The following SPATA17 variants were observed in gnomAD, a reference collection of about 807,000 sequenced individuals.
The protein encoded by SPATA17 is spermatogenesis-associated protein 17.
In SPATA17, 53 loss-of-function variants were observed where a neutral mutation model predicts 62.2. The ratio of observed to expected loss-of-function variants is 0.85; its 90% CI spans 0.68 to 1.07. SPATA17 has a LOEUF of 1.07. Among genes scored for constraint, SPATA17 ranks in the 50% least tolerant of loss-of-function variants. The pLI, the probability that SPATA17 is intolerant of heterozygous loss-of-function variation, is 0.00. For synonymous variants in SPATA17, 146 were observed against 146.8 expected, an observed-to-expected ratio of 0.99 and a Z score of 0.04; for missense variants, 466 against 425.5, an observed-to-expected ratio of 1.10 and a Z score of -0.84.
At chr1:217,776,676 TAAAA>T (rs59177848) in intron 7 of SPATA17, among the ~76,000 whole-genome samples, 1 of 119,146 alleles carries the variant, frequency 8.4e-6, no homozygotes. Flanking sequence ...CTGTCTCTAT[TAAAA>T]AAAAAAAAAA....
intron 6 of SPATA17, among the ~76,000 whole-genome samples, chr1:217,755,313 G>A (rs1558037172): frequency 1.3e-5 from 2 of 151,962 alleles, no homozygotes; most frequent in Non-Finnish European, 2.9e-5. Context: ...ACTCAGCAAT[G>A]AATTATGTTA....
At chr1:217,702,456 T>C (rs1190328792) in intron 5 of SPATA17, among the ~76,000 whole-genome samples, 1 of 152,206 alleles carries the variant, frequency 6.6e-6, no homozygotes, top group Non-Finnish European at 1.5e-5. Context: ...AATTTTAACA[T>C]ACTGTATATT....
At chr1:217,726,895 T>C (rs1439727299) in intron 5 of SPATA17, among the ~76,000 whole-genome samples, 4 of 152,176 alleles carry the variant, frequency 2.6e-5, no homozygotes, top group African/African-American at 4.8e-5. Context: ...GGTCTTACTC[T>C]TTCTTCAAGT....
At chr1:217,839,101 C>G (rs1675330629) in intron 9 of SPATA17, among the ~76,000 whole-genome samples, 1 of 151,932 alleles carries the variant, frequency 6.6e-6, no homozygotes, top group Admixed American at 6.6e-5. Context: ...TAATGTGAAG[C>G]CCACTACTCA....
intron 8 of SPATA17, among the ~76,000 whole-genome samples, chr1:217,788,851 T>C (rs1456201621): frequency 6.6e-6 from 1 of 152,208 alleles, no homozygotes; most frequent in Non-Finnish European, 1.5e-5. Flanking sequence ...GGTGATTTGT[T>C]ATAACAGCAA....
chr1:217,863,631 A>T (rs928035047), intron 10 of SPATA17, among the ~76,000 whole-genome samples: 1 of 152,148 alleles, frequency 6.6e-6, no homozygotes, highest in African/African-American at 2.4e-5. Context: ...CTGATTATCA[A>T]TGTTTAGAAG....
chr1:217,829,744 G>A (rs1675088882), intron 9 of SPATA17, among the ~76,000 whole-genome samples: 1 of 151,314 alleles, frequency 6.6e-6, no homozygotes, highest in South Asian at 2.1e-4. Context: ...ATTAACATGG[G>A]CATGGGGAGG....
intron 5 of SPATA17, among the ~76,000 whole-genome samples, chr1:217,712,214 C>T (rs1359562620): frequency 6.7e-6 from 1 of 149,692 alleles, no homozygotes; most frequent in Non-Finnish European, 1.5e-5. Context: ...GCAACCTCTG[C>T]CTCCTGGATT....
intron 5 of SPATA17, among the ~76,000 whole-genome samples, chr1:217,718,841 CCAAACAAA>C (rs370605124): frequency 6.6e-6 from 1 of 152,026 alleles, no homozygotes; most frequent in Non-Finnish European, 1.5e-5. Context: ...GTACTGGCTG[CCAAACAAA>C]CAAACAAACA....
At chr1:217,843,745 G>A (rs930205279) in intron 9 of SPATA17, among the ~76,000 whole-genome samples, 4 of 152,138 alleles carry the variant, frequency 2.6e-5, no homozygotes, top group African/African-American at 7.2e-5. Context: ...GCATGACTAC[G>A]TTCCAATAAA....
At chr1:217,727,408 A>G (rs1463697656) in intron 5 of SPATA17, among the ~76,000 whole-genome samples, 2 of 151,854 alleles carry the variant, frequency 1.3e-5, no homozygotes, top group African/African-American at 4.8e-5. Flanking sequence ...TTTGAAGATC[A>G]TCAGTATTAA....
At chr1:217,820,201 G>A (rs1365915291) in intron 9 of SPATA17, among the ~76,000 whole-genome samples, 5 of 152,106 alleles carry the variant, frequency 3.3e-5, no homozygotes, top group East Asian at 1.9e-4. Flanking sequence ...GCAGGTACCC[G>A]CTAGACTATC....
intron 5 of SPATA17, among the ~76,000 whole-genome samples, chr1:217,732,913 A>G (rs1389723808): frequency 6.6e-6 from 1 of 152,190 alleles, no homozygotes; most frequent in African/African-American, 2.4e-5. Context: ...TCTCTAGATG[A>G]TAAAAAGAAA....
chr1:217,859,019 C>G (rs573661766), intron 9 of SPATA17, among the ~76,000 whole-genome samples: 2 of 151,244 alleles, frequency 1.3e-5, no homozygotes, highest in South Asian at 4.2e-4. Context: ...CAAAGCGAGA[C>G]TCCGTCTCAA....
At chr1:217,784,143 CATTATTTTATCCT>C (rs1553252005) in intron 8 of SPATA17, among the ~76,000 whole-genome samples, 1 of 151,832 alleles carries the variant, frequency 6.6e-6, no homozygotes, top group Non-Finnish European at 1.5e-5. Context: ...CTGGTTAATG[CATTATTTTATCCT>C]ATGTGACAAA....
rs555198759 is a variant in SPATA17, at chr1:217,690,095, G to A, written c.395+6734G>A. ...TTTTTATAATTTTAGTAGAGACAGGGTTTCACCATATTGGTCAGGCTGGTC... is the reference window on the plus strand; with the variant it reads ...TTTTTATAATTTTAGTAGAGACAGGATTTCACCATATTGGTCAGGCTGGTC... On this transcript the variant is annotated intron_variant, in intron 5 of 10. Coordinates refer to ENST00000366933, the MANE Select transcript of SPATA17 (RefSeq NM_138796.4). Among the ~76,000 whole-genome samples, 110 of 152,058 alleles carry A rather than the reference G, an allele frequency of 7.2e-4. 1 individual carries two copies. Among genetic ancestry groups the A allele is most frequent in the African/African-American group, 2.3e-3 (97 of 41,498 alleles).
intron 9 of SPATA17, among the ~76,000 whole-genome samples, chr1:217,808,706 G>T (rs1385013617): frequency 6.6e-6 from 1 of 151,930 alleles, no homozygotes; most frequent in Non-Finnish European, 1.5e-5. Flanking sequence ...ACAAAAATTA[G>T]CAGCTGGGTG....
At chr1:217,822,613 A>G (rs1302760654) in intron 9 of SPATA17, among the ~76,000 whole-genome samples, 1 of 148,434 alleles carries the variant, frequency 6.7e-6, no homozygotes, top group East Asian at 1.9e-4. Context: ...TATATATGAT[A>G]TATAATGATA....
chr1:217,836,412 G>T (rs1311632344), intron 9 of SPATA17, among the ~76,000 whole-genome samples: 1 of 152,124 alleles, frequency 6.6e-6, no homozygotes, highest in Non-Finnish European at 1.5e-5. Flanking sequence ...GAATTTGTCT[G>T]TCATGATGCC....
Sources: gnomAD v4.1 joint callset for allele counts (sites outside exome capture counted in the v4.1 genomes callset) on GRCh38, gnomAD v4.1.1 for gene constraint, MANE v1.5 for transcripts, NCBI Gene and HGNC (gene_info 2026-07-23, HGNC 2026-07-21) for gene names.